Variants in ZNF831 observed in about 807,000 individuals in gnomAD.
ZNF831 encodes chromosome 20 open reading frame 174.
Under a neutral mutation model 95.8 loss-of-function variants are expected in ZNF831, and 59 were observed. That is an observed-to-expected ratio of 0.62 (90% confidence interval 0.50 to 0.77). The LOEUF (loss-of-function observed/expected upper bound fraction) is 0.77, where lower values mean the gene tolerates loss of function less well. Ranked by LOEUF, ZNF831 falls within the 30% of genes least tolerant of loss-of-function variation. The pLI, the probability that ZNF831 is intolerant of heterozygous loss-of-function variation, is 0.00. For missense variants in ZNF831, 2,205 were observed against 2,164.0 expected (o/e 1.02, Z -0.38); for synonymous variants, 961 against 925.5 (o/e 1.04, Z -0.70).
chr20:59,141,899 C>T (rs1979693057), intron 1 of ZNF831, among the ~76,000 whole-genome samples: 1 of 152,194 alleles, frequency 6.6e-6, no homozygotes, highest in Non-Finnish European at 1.5e-5. Flanking sequence ...CATGAACCCC[C>T]AGATTGGCCT....
Position 59,186,964 on chromosome 20 carries a change from C to G in ZNF831, c.-36-4020C>G, listed in dbSNP as rs112989359. On this transcript the variant is annotated intron_variant, in intron 1 of 5. Transcript: ENST00000371030. ...GATGAAAAAAAAAAAAAAGGACTGA[C>G]TTGTAGCATTTGCTGATTTTTGTGG... Among the ~76,000 whole-genome samples, 672 of 151,472 alleles carry G rather than the reference C, an allele frequency of 4.4e-3. 8 individuals carry two copies. The highest frequency in any genetic ancestry group is 0.016 in the African/African-American group (649 of 41,296).
chr20:59,168,455 G>GTT (rs71183161), intron 1 of ZNF831, among the ~76,000 whole-genome samples: 2,297 of 113,784 alleles, frequency 0.02, 65 homozygotes, highest in African/African-American at 0.048. Flanking sequence ...GTGCGAGGAG[G>GTT]TTTTTTTTTT....
rs1010242733 is a variant in ZNF831, at chr20:59,158,691, CTT to C, written c.-1280-958_-1280-957del. ...GGCTGGTATGCACCCCCTGGGGACA[CTT>C]TTGTTTGGTTTTTAACTTTTTACCT... is the stretch of plus-strand genomic sequence containing the variant. On this transcript the variant is annotated intron_variant, in intron 2 of 7. Coordinates refer to the ZNF831 transcript ENST00000637017. 1.3e-5 allele frequency among the ~76,000 whole-genome samples: 2 copies of C among 152,146 alleles called. 1 individual carries two copies. Among genetic ancestry groups the C allele is most frequent in the Admixed American group, 1.3e-4 (2 of 15,280 alleles).
chr20:59,221,123 A>T (rs1003042320), intron 4 of ZNF831, among the ~76,000 whole-genome samples: 6 of 152,228 alleles, frequency 3.9e-5, no homozygotes, highest in African/African-American at 1.4e-4. Context: ...GTGTGTGGTT[A>T]TCATGGCTGG....
At position 59,169,957 on chromosome 20, in the gene ZNF831, A is replaced by AT; in HGVS notation, c.-37+5754dup. On this transcript the variant is annotated intron_variant, in intron 1 of 5. Transcript: ENST00000371030. The surrounding 1 kb of genome is among the most constrained non-coding windows in gnomAD (Gnocchi z 4.1). ...CAAGAAAAAGCTCTTTCTTTCATTG[A>AT]TTTTCTCTATTATTTTTCTGTTTTG... 6.6e-6 allele frequency among the ~76,000 whole-genome samples: 1 copy of AT among 150,970 alleles called. No homozygotes were observed. The highest frequency in any genetic ancestry group is 3.2e-3 in the Middle Eastern group (1 of 314).
intron 1 of ZNF831, among the ~76,000 whole-genome samples, chr20:59,138,749 A>T (rs768610435): frequency 6.6e-6 from 1 of 152,170 alleles, no homozygotes; most frequent in African/African-American, 2.4e-5. Flanking sequence ...TTCTCCATCA[A>T]TCTGGGGTCT....
At position 59,169,398 on chromosome 20, in the gene ZNF831, C is replaced by T. The variant is rs981454778; in HGVS notation, c.-37+5191C>T. ...TGTCTGCAGGGTCTGTAGTGATAGC[C>T]CATTTTCCTTCCTGACATTGATAGT... is the stretch of plus-strand genomic sequence containing the variant. On this transcript the variant is annotated intron_variant, in intron 1 of 5. Transcript: ENST00000371030. This position sits in a 1 kb window ranked among gnomAD's most constrained non-coding sequence, Gnocchi z 4.1. Among the ~76,000 whole-genome samples, 2 of 152,130 alleles carry T rather than the reference C, an allele frequency of 1.3e-5. No individual in the cohort carries two copies. The highest frequency in any genetic ancestry group is 4.8e-5 in the African/African-American group (2 of 41,416).
rs1173301104 is a variant in ZNF831 at position 59,194,191 on chromosome 20, C to T, written c.3172C>T (p.Pro1058Ser). Residue 1058 changes from proline to serine, a missense_variant, in exon 2 of 6, where the codon CCA (proline) becomes TCA (serine). Physicochemically the swap from Pro to Ser is moderately conservative, Grantham distance 74. Coordinates refer to ENST00000371030, the MANE Select transcript of ZNF831 (RefSeq NM_178457.3). ...GGAGGCTACCTCCTCCCCGCCCACT[C>T]CAACGTGTGAGGCACACTTAGTTCA... ...PREATSSPPT[P>S]TCEAHLVQDM... 3.7e-6 allele frequency: 6 copies of T among 1,606,776 alleles called. No individual in the cohort carries two copies. The highest frequency in any genetic ancestry group is 2.2e-5 in the East Asian group (1 of 44,822).
chr20:59,141,689 C>G (rs369985944), intron 1 of ZNF831, among the ~76,000 whole-genome samples: 1 of 152,152 alleles, frequency 6.6e-6, no homozygotes, highest in East Asian at 1.9e-4. Flanking sequence ...AATACTTGAG[C>G]TATTCTAGTT....
intron 3 of ZNF831, among the ~76,000 whole-genome samples, chr20:59,201,637 GT>G (rs1308144549): frequency 1.3e-5 from 2 of 152,168 alleles, no homozygotes; most frequent in East Asian, 3.9e-4. Flanking sequence ...TTCACTTAGT[GT>G]TTACATATGG....
intron 1 of ZNF831, among the ~76,000 whole-genome samples, chr20:59,140,888 G>A (rs1486713437): frequency 6.6e-6 from 1 of 152,130 alleles, no homozygotes; most frequent in Non-Finnish European, 1.5e-5. Flanking sequence ...CTTTTGCAGA[G>A]CAATAGTTTT....
At chr20:59,210,000 C>A (rs1163699667) in intron 4 of ZNF831, among the ~76,000 whole-genome samples, 1 of 152,172 alleles carries the variant, frequency 6.6e-6, no homozygotes, top group African/African-American at 2.4e-5. Flanking sequence ...AGGTCATACC[C>A]ATCCACAGGT....
chr20:59,131,308 G>C (rs1006281412), intron 1 of ZNF831, among the ~76,000 whole-genome samples: 2 of 152,166 alleles, frequency 1.3e-5, no homozygotes, highest in African/African-American at 4.8e-5. Flanking sequence ...CGGAGGACAG[G>C]AACCACACTC....
rs1051140914 is a variant in ZNF831 at position 59,148,605 on chromosome 20, G to A, written c.-1281+2231G>A. Among the ~76,000 whole-genome samples the A allele has an allele frequency of 1.2e-3, 154 of 126,964 alleles. 16 individuals carry two copies. The highest frequency in any genetic ancestry group is 4.4e-3 in the African/African-American group (143 of 32,278). 83.3% of individuals were successfully genotyped at this position (126,964 alleles called of 152,430 possible). On this transcript the variant is annotated intron_variant, in intron 2 of 7. Coordinates refer to the ZNF831 transcript ENST00000637017. Reference sequence around the variant, plus strand: ...TGAGGCAGGAGAATGGCGTGAACCCGGGAGGTGGAGCTTGCAGTGAGTCGA... The same window carrying A: ...TGAGGCAGGAGAATGGCGTGAACCCAGGAGGTGGAGCTTGCAGTGAGTCGA...
chr20:59,228,576 T>G (rs998055095), intron 4 of ZNF831, among the ~76,000 whole-genome samples: 5 of 151,688 alleles, frequency 3.3e-5, no homozygotes, highest in African/African-American at 4.8e-5. Context: ...CCAACGGGGG[T>G]GAAAGAACTT....
Position 59,195,729 on chromosome 20 carries a change from G to A in ZNF831, c.3739-140G>A, listed in dbSNP as rs1984050088. 5 of 1,474,216 alleles carry A rather than the reference G, an allele frequency of 3.4e-6. No individual in the cohort carries two copies. In the African/African-American group the frequency reaches 7.0e-5, roughly 21 times the overall value. The allele number at this position is 1,474,216 out of a possible 1,614,324, so 91.3% of individuals were successfully genotyped here. ...CGTTGCCTGGTTGAACTTCTCAGGGGCTCAGCCCGTTTAGCAATGCAGTAT... is the reference window on the plus strand; with the variant it reads ...CGTTGCCTGGTTGAACTTCTCAGGGACTCAGCCCGTTTAGCAATGCAGTAT... On this transcript the variant is annotated intron_variant, in intron 2 of 5. Coordinates refer to ENST00000371030, the MANE Select transcript of ZNF831 (RefSeq NM_178457.3).
At chr20:59,152,064 C>G (rs765675513) in intron 2 of ZNF831, among the ~76,000 whole-genome samples, 22 of 152,212 alleles carry the variant, frequency 1.4e-4, no homozygotes, top group Non-Finnish European at 2.9e-4. Flanking sequence ...AATGACAGCA[C>G]CTCCCTCACA....
chr20:59,168,391 T>C (rs1203814267), intron 1 of ZNF831, among the ~76,000 whole-genome samples: 1 of 152,080 alleles, frequency 6.6e-6, no homozygotes, highest in Non-Finnish European at 1.5e-5. Context: ...AGAAATGTAA[T>C]TGACTTTTGT....
Position 59,255,441 on chromosome 20 carries a change from T to C in ZNF831, c.*698T>C, listed in dbSNP as rs1988131715. 6.6e-6 allele frequency: 1 copy of C among 152,292 alleles called. No homozygotes were observed. 9.4% of individuals were successfully genotyped at this position (152,292 alleles called of 1,614,324 possible). ...TCAATGCTTATTTATGGTCAGATGA[T>C]GCAAGCACATGCTCTTGTGCCTGGT... On this transcript the variant is annotated 3_prime_UTR_variant, in exon 6 of 6. Coordinates refer to ENST00000371030, the MANE Select transcript of ZNF831 (RefSeq NM_178457.3).
Sources: allele counts gnomAD v4.1 joint callset (sites outside exome capture counted in the v4.1 genomes callset), GRCh38; gene constraint gnomAD v4.1.1; non-coding constraint Gnocchi (gnomAD v3.1); transcripts MANE v1.5; gene names NCBI Gene and HGNC (gene_info 2026-07-23, HGNC 2026-07-21).